Variants in CYP4F12 observed in about 807,000 individuals in gnomAD.
CYP4F12 encodes cytochrome P450 family 4 subfamily F member 12.
Under a neutral mutation model 56.5 loss-of-function variants are expected in CYP4F12, and 60 were observed. The ratio of observed to expected loss-of-function variants is 1.06; its 90% CI spans 0.86 to 1.32. The LOEUF is 1.32. Ranked by LOEUF, CYP4F12 falls within the 40% of genes most tolerant of loss-of-function variation. CYP4F12 has a pLI of 0.00. For synonymous variants in CYP4F12, 263 were observed against 264.9 expected (o/e 0.99, Z 0.07); for missense variants, 711 against 683.5 (o/e 1.04, Z -0.45).
At chr19:15,690,334 G>A (rs1005792009) in intron 9 of CYP4F12, among the ~76,000 whole-genome samples, 9 of 152,060 alleles carry the variant, frequency 5.9e-5, no homozygotes, top group African/African-American at 2.2e-4. Context: ...CATCATTTTT[G>A]TGGTGAGAAT....
In CYP4F12 at chr19:15,673,687, A is replaced by G; in HGVS notation, c.158A>G (p.Gln53Arg). 10 of 1,614,100 alleles carry G rather than the reference A, an allele frequency of 6.2e-6. No homozygotes were observed. The highest frequency in any genetic ancestry group is 8.5e-6 in the Non-Finnish European group (10 of 1,180,002). Residue 53 changes from glutamine (Q) to arginine (R), a missense_variant, in exon 2 of 13, where the codon CAG (glutamine) becomes CGG (arginine). Coordinates refer to ENST00000550308, the MANE Select transcript of CYP4F12 (RefSeq NM_023944.4). ...NNCRRLQCFP[Q>R]PPKRNWFWGH... ...TGCCGCCGGCTCCAGTGTTTCCCAC[A>G]GCCCCCAAAACGGAACTGGTTTTGG...
intron 9 of CYP4F12, among the ~76,000 whole-genome samples, chr19:15,689,994 G>A (rs952983187): frequency 6.6e-6 from 1 of 152,012 alleles, no homozygotes; most frequent in Non-Finnish European, 1.5e-5. Flanking sequence ...ACTGCATATT[G>A]GGGACAGTAT....
chr19:15,682,186 G>T (rs10415501), intron 5 of CYP4F12: 311,731 of 558,736 alleles, frequency 0.56, 87,612 homozygotes, highest in East Asian at 0.72. Flanking sequence ...TTGAATGCAG[G>T]TCTCTTGACT....
rs568386094 is a variant in CYP4F12, at chr19:15,695,047, G to A, written c.1116-889G>A. On this transcript the variant is annotated intron_variant, in intron 9 of 12. Transcript: ENST00000550308. ...AAATCATGCGGCTATAAAGACACAT[G>A]CACATGTATGTTTATTGCGGCACTA... 5.3e-5 allele frequency among the ~76,000 whole-genome samples: 8 copies of A among 152,224 alleles called. No individual in the cohort carries two copies. The East Asian group carries it at 1.5e-3, about 29-fold the overall frequency.
intron 5 of CYP4F12, chr19:15,680,746 C>T (rs144402419): frequency 2.0e-5 from 12 of 592,412 alleles, no homozygotes; most frequent in African/African-American, 1.8e-4. Flanking sequence ...GTTTTTCTCA[C>T]AGAATCCCTG....
intron 9 of CYP4F12, among the ~76,000 whole-genome samples, chr19:15,687,201 C>T (rs992929933): frequency 6.6e-5 from 10 of 151,758 alleles, no homozygotes; most frequent in South Asian, 2.1e-4. Context: ...GGCGTGAACC[C>T]GGGTGGCGGA....
intron 9 of CYP4F12, among the ~76,000 whole-genome samples, chr19:15,687,451 G>A (rs1315784273): frequency 6.6e-6 from 1 of 152,162 alleles, no homozygotes; most frequent in Non-Finnish European, 1.5e-5. Flanking sequence ...TTCCCAAGAT[G>A]GTGGGTTGGA....
At position 15,696,965 on chromosome 19, in the gene CYP4F12, G is replaced by C; in HGVS notation, c.1455G>C (p.Met485Ile). 6.2e-7 allele frequency: 1 copy of C among 1,614,234 alleles called. No individual in the cohort carries two copies. The highest frequency in any genetic ancestry group is 1.1e-5 in the South Asian group (1 of 91,090). ...MAEMKVVLAL[M>I]LLHFRFLPDH... ...AGATGAAAGTGGTCCTGGCGTTGAT[G>C]CTGCTGCACTTCCGGTTCCTGCCAG... Residue 485 changes from methionine (M) to isoleucine (I), a missense_variant, in exon 13 of 13, where the codon ATG (methionine) becomes ATC (isoleucine). Met to Ile is a conservative substitution (Grantham distance 10, BLOSUM62 1). Coordinates refer to ENST00000550308, the MANE Select transcript of CYP4F12 (RefSeq NM_023944.4).
At chr19:15,695,591 G>A (rs1211944061) in intron 9 of CYP4F12, among the ~76,000 whole-genome samples, 3 of 151,798 alleles carry the variant, frequency 2.0e-5, no homozygotes, top group Admixed American at 6.6e-5. Context: ...CTAAATAAGA[G>A]CAAAACATTG....
chr19:15,685,864 G>A (rs1316208249), intron 9 of CYP4F12, among the ~76,000 whole-genome samples: 1 of 152,106 alleles, frequency 6.6e-6, no homozygotes, highest in African/African-American at 2.4e-5. Flanking sequence ...TCCAGTCCAG[G>A]GAGTCCTAAG....
chr19:15,680,003 G>A (rs983282864), intron 3 of CYP4F12, among the ~76,000 whole-genome samples: 2 of 152,168 alleles, frequency 1.3e-5, no homozygotes, highest in African/African-American at 2.4e-5. Flanking sequence ...GGGATATATA[G>A]GAGCCATGTC....
intron 9 of CYP4F12, among the ~76,000 whole-genome samples, chr19:15,691,572 C>A (rs2007869488): frequency 6.6e-6 from 1 of 152,148 alleles, no homozygotes; most frequent in African/African-American, 2.4e-5. Context: ...AAAGAACATC[C>A]TTTGCCCAAG....
rs772654152 is a variant in CYP4F12, at chr19:15,683,783, G to C, written c.918+20G>C. 2.0e-5 allele frequency: 30 copies of C among 1,512,238 alleles called. No individual in the cohort carries two copies. The highest frequency in any genetic ancestry group is 2.4e-5 in the Non-Finnish European group (27 of 1,132,132). The allele number at this position is 1,512,238 out of a possible 1,614,324, so 93.7% of individuals were successfully genotyped here. ...AGCAAGGTAGGTTTCTCTATGATCT[G>C]AATTTAGGTGAGAGAATAGAGCTTC... On this transcript the variant is annotated intron_variant, in intron 7 of 12. Transcript: ENST00000550308.
In CYP4F12 at chr19:15,677,672, C is replaced by T. The variant is rs1203327749; in HGVS notation, c.199-589C>T. ...CCTCTCCTCACTCACTCATTCCTCTCCTCACTCACTCATTCCTCTCCTCCC... is the reference window on the plus strand; with the variant it reads ...CCTCTCCTCACTCACTCATTCCTCTTCTCACTCACTCATTCCTCTCCTCCC... On this transcript the variant is annotated intron_variant, in intron 2 of 12. Coordinates refer to ENST00000550308, the MANE Select transcript of CYP4F12 (RefSeq NM_023944.4). 1.6e-3 allele frequency among the ~76,000 whole-genome samples: 3 copies of T among 1,856 alleles called. 1 individual carries two copies. Among genetic ancestry groups the T allele is most frequent in the African/African-American group, 4.3e-3 (3 of 702 alleles). The allele number at this position is 1,856 out of a possible 152,430, so 1.2% of individuals were successfully genotyped here.
At chr19:15,682,680 T>C (rs1027562027) in intron 6 of CYP4F12, among the ~76,000 whole-genome samples, 170 bp downstream of exon 6, 3 of 152,132 alleles carry the variant, frequency 2.0e-5, no homozygotes, top group Non-Finnish European at 4.4e-5. Context: ...GGTAGAAATA[T>C]GTGTGTAAAA....
At position 15,697,105 on chromosome 19, in the gene CYP4F12, GT is replaced by G. The variant is rs202235964; in HGVS notation, c.*27del. The stretch of plus-strand genomic sequence containing the variant: ...CAGTGACTTTCTGACCCATCCACCT[GT>G]TTTTTTGCAGATTGTCATGAATAAA... On this transcript the variant is annotated 3_prime_UTR_variant, in exon 13 of 13. Coordinates refer to ENST00000550308, the MANE Select transcript of CYP4F12 (RefSeq NM_023944.4). The G allele has an allele frequency of 3.7e-3, 5,965 of 1,600,520 alleles. 140 individuals carry two copies. In the African/African-American group the frequency reaches 0.071, roughly 19 times the overall value.
intron 5 of CYP4F12, chr19:15,680,757 T>A: frequency 3.6e-6 from 2 of 561,312 alleles, no homozygotes; most frequent in East Asian, 3.4e-5. Context: ...AGAATCCCTG[T>A]AAACTCAAGA....
At chr19:15,693,604 G>A (rs1357505664) in intron 9 of CYP4F12, among the ~76,000 whole-genome samples, 1 of 146,980 alleles carries the variant, frequency 6.8e-6, no homozygotes, top group Non-Finnish European at 1.5e-5. Flanking sequence ...TGTCAGATGA[G>A]TAGGTTGCGA....
intron 9 of CYP4F12, 36 bp downstream of exon 9, chr19:15,685,233 A>G (rs373439963): frequency 1.9e-6 from 3 of 1,605,280 alleles, no homozygotes; most frequent in South Asian, 1.1e-5. Context: ...TCCTGAGCCC[A>G]TCATTGGTTC....
Sources: allele counts gnomAD v4.1 joint callset (sites outside exome capture counted in the v4.1 genomes callset), GRCh38; gene constraint gnomAD v4.1.1; transcripts MANE v1.5; gene names NCBI Gene and HGNC (gene_info 2026-07-23, HGNC 2026-07-21).